Variants in GABRG3 observed in about 807,000 individuals in gnomAD.
The protein encoded by GABRG3 is gamma-aminobutyric acid receptor subunit gamma-3.
In GABRG3, 25 loss-of-function variants were observed where a neutral mutation model predicts 48.8. That is an observed-to-expected ratio of 0.51 (90% CI 0.37 to 0.72). The LOEUF (loss-of-function observed/expected upper bound fraction) is 0.72. GABRG3 is among the 30% of genes least tolerant of loss of function. The pLI is 0.00. For synonymous variants in GABRG3, 227 were observed against 217.6 expected (o/e 1.04, Z -0.38); for missense variants, 394 against 577.9 (o/e 0.68, Z 3.26).
In GABRG3 at chr15:27,048,079, G is replaced by C. The variant is rs562336653; in HGVS notation, c.270+21258G>C. On this transcript the variant is annotated intron_variant, in intron 3 of 9. Transcript: ENST00000615808. Reference sequence around the variant, plus strand: ...GCCGCCATGGCTCAGGGAGTCTGGAGGGGGCTCCATCCTCTTCCAGCCTGG... The same window carrying C: ...GCCGCCATGGCTCAGGGAGTCTGGACGGGGCTCCATCCTCTTCCAGCCTGG... Among the ~76,000 whole-genome samples the C allele has an allele frequency of 2.0e-5, 3 of 152,276 alleles. No homozygotes were observed. In the East Asian group the frequency reaches 5.8e-4, roughly 29 times the overall value.
chr15:27,067,568 T>C (rs747705372), intron 3 of GABRG3, among the ~76,000 whole-genome samples: 5 of 152,140 alleles, frequency 3.3e-5, no homozygotes, highest in Non-Finnish European at 7.3e-5. Context: ...AGAGTGCCCC[T>C]GTGGGCCAGG....
intron 5 of GABRG3, among the ~76,000 whole-genome samples, chr15:27,464,011 G>A (rs1889528612): frequency 1.3e-5 from 2 of 152,008 alleles, no homozygotes; most frequent in South Asian, 2.1e-4. Context: ...CCCATGCATC[G>A]TGGCCCCCTA....
intron 3 of GABRG3, among the ~76,000 whole-genome samples, chr15:27,048,987 C>T (rs1183364203): frequency 6.6e-6 from 1 of 152,256 alleles, no homozygotes; most frequent in Non-Finnish European, 1.5e-5. Context: ...CTACGGGGCT[C>T]TGTGAGCCTC....
intron 5 of GABRG3, among the ~76,000 whole-genome samples, chr15:27,448,021 A>G (rs1888993527): frequency 6.6e-6 from 1 of 152,222 alleles, no homozygotes. Flanking sequence ...ACACAAATAA[A>G]TATTTATAAA....
At chr15:27,234,151 CTCTATTCTGTCTAAT>C (rs1198832222) in intron 3 of GABRG3, among the ~76,000 whole-genome samples, 9 of 152,140 alleles carry the variant, frequency 5.9e-5, no homozygotes, top group Non-Finnish European at 1.0e-4. Flanking sequence ...AACCAACTAC[CTCTATTCTGTCTAAT>C]TCTATTCTGT....
chr15:27,305,253 T>A (rs551495178), intron 3 of GABRG3, among the ~76,000 whole-genome samples: 20 of 151,634 alleles, frequency 1.3e-4, no homozygotes, highest in African/African-American at 4.1e-4. Flanking sequence ...AACAGAAAAA[T>A]TTTAAAACAT....
chr15:27,003,205 T>G (rs1355086250), intron 2 of GABRG3, among the ~76,000 whole-genome samples: 102 of 99,732 alleles, frequency 1.0e-3, no homozygotes, highest in African/African-American at 3.2e-3. Flanking sequence ...TATTTTATAT[T>G]TATTTATTTA....
chr15:27,088,115 G>GTGTGTGTGTGTGTGCACGCA (rs1897113723), intron 3 of GABRG3, among the ~76,000 whole-genome samples: 2 of 151,796 alleles, frequency 1.3e-5, no homozygotes, highest in East Asian at 3.9e-4. Flanking sequence ...TTGTGTGTGT[G>GTGTGTGTGTGTGTGCACGCA]TGTGTGTGTG....
At chr15:27,244,930 T>C (rs1021042706) in intron 3 of GABRG3, among the ~76,000 whole-genome samples, 1 of 152,216 alleles carries the variant, frequency 6.6e-6, no homozygotes, top group African/African-American at 2.4e-5. Flanking sequence ...TATGGGGTGG[T>C]CATGGCTGGT....
At chr15:27,185,319 A>C (rs1050897031) in intron 3 of GABRG3, among the ~76,000 whole-genome samples, 1 of 151,878 alleles carries the variant, frequency 6.6e-6, no homozygotes, top group Non-Finnish European at 1.5e-5. Context: ...ATGTCATTTA[A>C]TTTTCATGTG....
chr15:27,123,847 C>T (rs566442992), intron 3 of GABRG3, among the ~76,000 whole-genome samples: 6 of 152,202 alleles, frequency 3.9e-5, no homozygotes, highest in African/African-American at 7.2e-5. Flanking sequence ...AAGGGGAAGC[C>T]GAGGCCACTG....
intron 5 of GABRG3, among the ~76,000 whole-genome samples, chr15:27,470,239 T>C (rs1889744447): frequency 6.6e-6 from 1 of 151,162 alleles, no homozygotes; most frequent in East Asian, 2.0e-4. Context: ...TCTTTCTTTC[T>C]CTCTCTTTTT....
At chr15:27,100,699 A>G (rs1220619363) in intron 3 of GABRG3, among the ~76,000 whole-genome samples, 2 of 152,240 alleles carry the variant, frequency 1.3e-5, no homozygotes, top group African/African-American at 2.4e-5. Flanking sequence ...GTGATCCACC[A>G]TATTACAGGC....
chr15:27,106,160 A>T (rs1209334590), intron 3 of GABRG3, among the ~76,000 whole-genome samples: 1 of 152,084 alleles, frequency 6.6e-6, no homozygotes, highest in Non-Finnish European at 1.5e-5. Flanking sequence ...ATATCAGAGG[A>T]TACAAAGTAG....
intron 5 of GABRG3, among the ~76,000 whole-genome samples, chr15:27,430,656 C>A (rs1250042101): frequency 6.6e-6 from 1 of 152,152 alleles, no homozygotes; most frequent in Non-Finnish European, 1.5e-5. Flanking sequence ...TAAATGACTA[C>A]TGTTTTGCCC....
intron 5 of GABRG3, among the ~76,000 whole-genome samples, chr15:27,469,359 G>C (rs1889714707): frequency 6.6e-6 from 1 of 151,662 alleles, no homozygotes; most frequent in Admixed American, 6.6e-5. Flanking sequence ...TATTTTTTTG[G>C]AGATGGAGTC....
At chr15:27,058,495 G>A (rs1896590588) in intron 3 of GABRG3, among the ~76,000 whole-genome samples, 1 of 152,212 alleles carries the variant, frequency 6.6e-6, no homozygotes, top group South Asian at 2.1e-4. Context: ...AACAGGAAAT[G>A]AGCTATTTCT....
chr15:27,130,327 C>A (rs1487174187), intron 3 of GABRG3, among the ~76,000 whole-genome samples: 1 of 152,090 alleles, frequency 6.6e-6, no homozygotes, highest in Non-Finnish European at 1.5e-5. Context: ...ATTTAATGGT[C>A]TTGGAACCTT....
intron 3 of GABRG3, among the ~76,000 whole-genome samples, chr15:27,283,805 G>A (rs909924861): frequency 1.3e-5 from 2 of 152,160 alleles, no homozygotes; most frequent in Admixed American, 6.6e-5. Context: ...TGGATCTCTA[G>A]CCCATCTGCT....
Sources: gnomAD v4.1 joint callset for allele counts (sites outside exome capture counted in the v4.1 genomes callset) on GRCh38, gnomAD v4.1.1 for gene constraint, MANE v1.5 for transcripts, NCBI Gene and HGNC (gene_info 2026-07-23, HGNC 2026-07-21) for gene names.